The following BRMS1L variants were observed in gnomAD, a reference collection of about 807,000 sequenced individuals.
BRMS1L encodes breast cancer metastasis-suppressor 1-like protein.
BRMS1L carries 23 observed loss-of-function variants against 50.3 expected under a neutral mutation model. The ratio of observed to expected loss-of-function variants is 0.46; its 90% CI spans 0.33 to 0.65. The LOEUF is 0.65. Ranked by LOEUF, BRMS1L falls within the 30% of genes least tolerant of loss-of-function variation. The probability of loss-of-function intolerance (pLI) is 0.02; values close to 1 mark genes in which losing one functional copy is unlikely to be tolerated. For synonymous variants in BRMS1L, 114 were observed against 126.9 expected (o/e 0.90, Z 0.69); for missense variants, 286 against 386.1 (o/e 0.74, Z 2.17).
At chr14:35,869,331 A>G (rs1594352953) in intron 9 of BRMS1L, among the ~76,000 whole-genome samples, 1 of 152,238 alleles carries the variant, frequency 6.6e-6, no homozygotes, top group South Asian at 2.1e-4. Flanking sequence ...AGGCAGGAGA[A>G]TCACTTGAGC....
intron 7 of BRMS1L, 135 bp downstream of exon 7, chr14:35,865,134 A>ACT: frequency 3.4e-6 from 2 of 581,896 alleles, no homozygotes; most frequent in Non-Finnish European, 2.9e-6. Flanking sequence ...AAGGCAATTT[A>ACT]ATACTATTAC....
At chr14:35,866,186 G>A (rs2078418715) in intron 8 of BRMS1L, 1 of 156,604 alleles carries the variant, frequency 6.4e-6, no homozygotes, top group African/African-American at 2.4e-5. Context: ...TTCATATCAA[G>A]TTACACTTCC....
chr14:35,855,760 A>G (rs537791293), intron 4 of BRMS1L, among the ~76,000 whole-genome samples: 2 of 152,288 alleles, frequency 1.3e-5, no homozygotes, highest in East Asian at 3.8e-4. Context: ...GATAGAGGAA[A>G]TGAAGCAGGG....
chr14:35,832,438 C>T (rs2077933785), intron 2 of BRMS1L, among the ~76,000 whole-genome samples: 1 of 149,516 alleles, frequency 6.7e-6, no homozygotes, highest in Non-Finnish European at 1.5e-5. Flanking sequence ...ACCCAGGAGG[C>T]GGAGCTTGAA....
In BRMS1L at chr14:35,833,027, A is replaced by G; in HGVS notation, c.283A>G (p.Ile95Val). ...GGTGGATGCAAAACTACAAGAAGTC[A>G]TAGCTGGAAAAGCACCAGAATACTT... is the stretch of plus-strand genomic sequence containing the variant. The part of the protein sequence containing the change: ...SQVDAKLQEV[I>V]AGKAPEYLEP... Residue 95 changes from isoleucine (I) to valine (V), a missense_variant, in exon 3 of 10, where the codon ATA becomes GTA. Transcript: ENST00000216807. 2 of 1,613,736 alleles carry G rather than the reference A, an allele frequency of 1.2e-6. No individual in the cohort carries two copies. Among genetic ancestry groups the G allele is most frequent in the Non-Finnish European group, 8.5e-7 (1 of 1,179,740 alleles).
At chr14:35,854,416 G>A (rs1012582621) in intron 4 of BRMS1L, among the ~76,000 whole-genome samples, 4 of 152,148 alleles carry the variant, frequency 2.6e-5, no homozygotes, top group African/African-American at 7.2e-5. Flanking sequence ...GTCATTCGTC[G>A]ATAAGCTGGG....
rs2077842426 is a variant in BRMS1L at position 35,826,420 on chromosome 14, G to C, written c.-97G>C. On this transcript the variant is annotated 5_prime_UTR_variant, in exon 1 of 10. Transcript: ENST00000216807. ...AGGAGCCAAGGGGGCGAGCAAGCTCGGTGGCTGGGTGGGTTGGGGCGTTCC... is the reference window on the plus strand; with the variant it reads ...AGGAGCCAAGGGGGCGAGCAAGCTCCGTGGCTGGGTGGGTTGGGGCGTTCC... 2.0e-6 allele frequency: 3 copies of C among 1,525,780 alleles called. No homozygotes were observed. Among genetic ancestry groups the C allele is most frequent in the African/African-American group, 1.4e-5 (1 of 72,500 alleles). The allele number at this position is 1,525,780 out of a possible 1,614,324, so 94.5% of individuals were successfully genotyped here.
chr14:35,871,353 T>C lies in BRMS1L; in HGVS notation c.*876T>C, dbSNP rs1398338430. The C allele has an allele frequency of 6.6e-6, 1 of 152,660 alleles. No homozygotes were observed. The highest frequency in any genetic ancestry group is 2.4e-5 in the African/African-American group (1 of 41,462). 9.5% of individuals were successfully genotyped at this position (152,660 alleles called of 1,614,324 possible). On this transcript the variant is annotated 3_prime_UTR_variant, in exon 10 of 10. Transcript: ENST00000216807. ...TGTGTCCTTATTCTAATTTTATTCC[T>C]AGGGCAAAGTAGACAGGGATTATTT...
At chr14:35,843,523 G>A (rs1210451108) in intron 4 of BRMS1L, among the ~76,000 whole-genome samples, 2 of 152,236 alleles carry the variant, frequency 1.3e-5, no homozygotes, top group Non-Finnish European at 2.9e-5. Context: ...CTGCAAAACA[G>A]CAAAGATTGC....
intron 8 of BRMS1L, 55 bp downstream of exon 8, chr14:35,865,816 G>A: frequency 6.7e-7 from 1 of 1,485,218 alleles, no homozygotes; most frequent in Non-Finnish European, 9.2e-7. Flanking sequence ...TGTTGAATCA[G>A]GGTTGTTATC....
chr14:35,844,132 T>C (rs2078100928), intron 4 of BRMS1L, among the ~76,000 whole-genome samples: 1 of 152,142 alleles, frequency 6.6e-6, no homozygotes, highest in Non-Finnish European at 1.5e-5. Context: ...CTTCATGGGG[T>C]TGGCATCTGC....
At chr14:35,847,187 C>T (rs1022520066) in intron 4 of BRMS1L, among the ~76,000 whole-genome samples, 2 of 152,140 alleles carry the variant, frequency 1.3e-5, no homozygotes, top group African/African-American at 4.8e-5. Flanking sequence ...CCATGTTGCT[C>T]TGGCTGGTCT....
intron 4 of BRMS1L, among the ~76,000 whole-genome samples, chr14:35,847,561 C>T (rs1485848008): frequency 6.6e-6 from 1 of 152,176 alleles, no homozygotes; most frequent in Non-Finnish European, 1.5e-5. Context: ...TCATTCTCTT[C>T]AAAATAGTAA....
At chr14:35,851,469 A>G (rs889245711) in intron 4 of BRMS1L, among the ~76,000 whole-genome samples, 1 of 152,042 alleles carries the variant, frequency 6.6e-6, no homozygotes, top group African/African-American at 2.4e-5. Flanking sequence ...TTGCTTGCTT[A>G]TTTTTGTGAA....
At position 35,845,505 on chromosome 14, in the gene BRMS1L, G is replaced by C. The variant is rs4982315; in HGVS notation, c.441+10582G>C. On this transcript the variant is annotated intron_variant, in intron 4 of 9. Transcript: ENST00000216807. ...CATGATCTATTGCTGTGGTGACTTA[G>C]GTTGTTAATGGATTTCCTAATGTTA... 2.3e-3 allele frequency among the ~76,000 whole-genome samples: 355 copies of C among 152,196 alleles called. 3 individuals carry two copies. The highest frequency in any genetic ancestry group is 6.8e-3 in the Admixed American group (104 of 15,290).
chr14:35,842,644 G>C (rs1309696920), intron 4 of BRMS1L, among the ~76,000 whole-genome samples: 1 of 152,014 alleles, frequency 6.6e-6, no homozygotes, highest in Non-Finnish European at 1.5e-5. Flanking sequence ...TGAATCTGAT[G>C]ATTATGTGTC....
chr14:35,840,486 A>G (rs1457066838), intron 4 of BRMS1L, among the ~76,000 whole-genome samples: 1 of 150,412 alleles, frequency 6.6e-6, no homozygotes, highest in African/African-American at 2.4e-5. Context: ...TCGGCTGTGA[A>G]TCCATCTGGT....
intron 4 of BRMS1L, among the ~76,000 whole-genome samples, chr14:35,854,166 T>G (rs925560650): frequency 3.9e-5 from 6 of 152,200 alleles, no homozygotes; most frequent in Non-Finnish European, 8.8e-5. Context: ...TGCTCACTGT[T>G]TTTGAGTTAC....
At chr14:35,828,317 C>T (rs199646286) in intron 1 of BRMS1L, among the ~76,000 whole-genome samples, 1 of 150,514 alleles carries the variant, frequency 6.6e-6, no homozygotes, top group Non-Finnish European at 1.5e-5. Flanking sequence ...TGATTATAGG[C>T]GGGTGCCACC....
Sources: gnomAD v4.1 joint callset for allele counts (sites outside exome capture counted in the v4.1 genomes callset) on GRCh38, gnomAD v4.1.1 for gene constraint, MANE v1.5 for transcripts, NCBI Gene and HGNC (gene_info 2026-07-23, HGNC 2026-07-21) for gene names.